The following TTC3 variants were observed in gnomAD, a reference collection of about 807,000 sequenced individuals.
TTC3 encodes the protein tetratricopeptide repeat domain 3.
TTC3 carries 180 observed loss-of-function variants against 249.6 expected under a neutral mutation model. The ratio of observed to expected loss-of-function variants is 0.72; its 90% CI spans 0.64 to 0.82. TTC3 has a LOEUF of 0.82. Among genes scored for constraint, TTC3 ranks in the 40% least tolerant of loss-of-function variants. TTC3 has a pLI of 0.00. For missense variants in TTC3, 2,061 were observed against 2,398.4 expected, an observed-to-expected ratio of 0.86 and a Z score of 2.94; for synonymous variants, 717 against 805.0, an observed-to-expected ratio of 0.89 and a Z score of 1.85.
intron 34 of TTC3, among the ~76,000 whole-genome samples, chr21:37,172,072 G>A (rs2081849907): frequency 6.6e-6 from 1 of 152,124 alleles, no homozygotes; most frequent in Non-Finnish European, 1.5e-5. Context: ...TTCTGGGTTT[G>A]GGGTTTTTTT....
At chr21:37,167,416 G>T in intron 33 of TTC3, 139 bp from the exon 34 acceptor site, 10 of 554,586 alleles carry the variant, frequency 1.8e-5, no homozygotes, top group East Asian at 3.9e-5. Context: ...ACATGTTTAC[G>T]GAAAGCATGG....
intron 10 of TTC3, among the ~76,000 whole-genome samples, chr21:37,104,606 AAAAG>A (rs1446558609): frequency 1.3e-4 from 20 of 150,736 alleles, no homozygotes; most frequent in South Asian, 2.1e-4. Context: ...AAAAAAAAAA[AAAAG>A]AAAGAAGTGC....
intron 35 of TTC3, among the ~76,000 whole-genome samples, chr21:37,179,043 A>T (rs1454192118): frequency 6.6e-6 from 1 of 152,138 alleles, no homozygotes; most frequent in African/African-American, 2.4e-5. Context: ...AGGCTAAGGC[A>T]GGAGGATTGC....
chr21:37,113,023 G>T (rs566988805), intron 11 of TTC3, among the ~76,000 whole-genome samples: 20 of 152,136 alleles, frequency 1.3e-4, no homozygotes, highest in African/African-American at 4.1e-4. Flanking sequence ...AGTAAATTAG[G>T]TATTGATGGG....
At chr21:37,164,708 G>A (rs936097821) in intron 32 of TTC3, among the ~76,000 whole-genome samples, 12 of 152,108 alleles carry the variant, frequency 7.9e-5, no homozygotes, top group African/African-American at 2.9e-4. Flanking sequence ...CTACTAAGTC[G>A]ATACTGAGTG....
chr21:37,096,769 G>C (rs2835602), intron 10 of TTC3, 126 bp downstream of exon 10: 317,539 of 670,130 alleles, frequency 0.47, 77,120 homozygotes, highest in Non-Finnish European at 0.51. Context: ...TACTTAAGTG[G>C]TTAAAAGAGT....
chr21:37,091,293 A>G, exon 7 of TTC3: 1 of 1,607,568 alleles, frequency 6.2e-7, no homozygotes, highest in African/African-American at 1.3e-5. Flanking sequence ...TTTGAAACAG[A>G]AAATCTTGGC....
At chr21:37,141,864 C>T (rs1397865766) in intron 20 of TTC3, among the ~76,000 whole-genome samples, 1 of 152,124 alleles carries the variant, frequency 6.6e-6, no homozygotes, top group East Asian at 1.9e-4. Context: ...AAAATACTGG[C>T]AAACCGAATC....
At chr21:37,104,913 G>A (rs189355900) in intron 10 of TTC3, among the ~76,000 whole-genome samples, 6 of 152,322 alleles carry the variant, frequency 3.9e-5, no homozygotes, top group African/African-American at 1.4e-4. Flanking sequence ...GTGCAGTCAC[G>A]GTTGAGACCC....
At chr21:37,087,074 A>C (rs2147660338) in intron 1 of TTC3, 173 bp from the exon 2 acceptor site, 2 of 655,464 alleles carry the variant, frequency 3.1e-6, no homozygotes, top group Non-Finnish European at 5.2e-6. Context: ...GAGAGAGAGG[A>C]AAAGTCAGCA....
At chr21:37,158,329 A>G in intron 28 of TTC3, 1 of 467,032 alleles carries the variant, frequency 2.1e-6, no homozygotes, top group Non-Finnish European at 2.8e-6. Flanking sequence ...TGTGTTCTCT[A>G]CATATAATAC....
intron 31 of TTC3, among the ~76,000 whole-genome samples, chr21:37,162,761 A>G (rs559851237): frequency 6.6e-6 from 1 of 152,316 alleles, no homozygotes; most frequent in South Asian, 2.1e-4. Context: ...ACAATATACC[A>G]TAAACTGGGA....
At position 37,107,494 on chromosome 21, in the gene TTC3, T is replaced by A. The variant is rs139231710; in HGVS notation, c.846-898T>A. 1.5e-3 allele frequency among the ~76,000 whole-genome samples: 224 copies of A among 152,246 alleles called. 2 individuals are homozygous for A. The highest frequency in any genetic ancestry group is 4.9e-3 in the African/African-American group (205 of 41,550). ...TAGACTGTGGTATGGATCTGTTAGT[T>A]CTTGATAGGTTATGAAAGTACATTT... On this transcript the variant is annotated intron_variant, in intron 10 of 45. Coordinates refer to ENST00000355666, the Ensembl canonical transcript of TTC3.
At chr21:37,200,320 A>G (rs2085366560) in exon 45 of TTC3, 1 of 1,614,134 alleles carries the variant, frequency 6.2e-7, no homozygotes. Context: ...AAGTATCACA[A>G]AGGGGTAAGA....
At chr21:37,118,221 C>T (rs940289670) in intron 11 of TTC3, among the ~76,000 whole-genome samples, 4 of 152,030 alleles carry the variant, frequency 2.6e-5, no homozygotes, top group Non-Finnish European at 5.9e-5. Context: ...GATTGCCTTA[C>T]TTTAGAATTA....
chr21:37,102,972 G>A (rs2074662109), intron 10 of TTC3, among the ~76,000 whole-genome samples: 1 of 152,204 alleles, frequency 6.6e-6, no homozygotes, highest in South Asian at 2.1e-4. Flanking sequence ...ACTCCAGCCT[G>A]GGCGATAGAG....
At chr21:37,158,615 T>C (rs1210695222) in intron 28 of TTC3, among the ~76,000 whole-genome samples, 1 of 152,208 alleles carries the variant, frequency 6.6e-6, no homozygotes, top group Non-Finnish European at 1.5e-5. Flanking sequence ...TCTTCATGCA[T>C]GATCCCCTAG....
At chr21:37,196,856 A>T (rs1242412630) in intron 42 of TTC3, among the ~76,000 whole-genome samples, 1 of 152,190 alleles carries the variant, frequency 6.6e-6, no homozygotes, top group Non-Finnish European at 1.5e-5. Context: ...GGTCCTTGTG[A>T]ATGTGGGAAA....
In TTC3 at chr21:37,166,638, T is replaced by G. The variant is rs745638500; in HGVS notation, c.4401+23T>G. On this transcript the variant is annotated intron_variant, in intron 33 of 45. Transcript: ENST00000355666. ...CAGGTAAGAGTTAAATAGAAAAGTC[T>G]TCTTAATACTGAAGTTAAATTTTCC... 27 of 1,560,506 alleles carry G rather than the reference T, an allele frequency of 1.7e-5. No individual in the cohort carries two copies. The South Asian group carries it at 2.9e-4, about 17-fold the overall frequency.
Sources: gnomAD v4.1 joint callset for allele counts (sites outside exome capture counted in the v4.1 genomes callset) on GRCh38, gnomAD v4.1.1 for gene constraint, MANE v1.5 for transcripts, NCBI Gene and HGNC (gene_info 2026-07-23, HGNC 2026-07-21) for gene names.